GLRX3: variants seen among roughly 807,000 people sequenced by gnomAD.
The protein encoded by GLRX3 is glutaredoxin-3.
Under a neutral mutation model 49.5 loss-of-function variants are expected in GLRX3, and 22 were observed. The ratio of observed to expected loss-of-function variants is 0.44; its 90% CI spans 0.32 to 0.63. The LOEUF (loss-of-function observed/expected upper bound fraction) is 0.63. GLRX3 is among the 30% of genes least tolerant of loss of function. The pLI is 0.05. For synonymous variants in GLRX3, 133 were observed against 140.0 expected, an observed-to-expected ratio of 0.95 and a Z score of 0.35; for missense variants, 385 against 396.3, an observed-to-expected ratio of 0.97 and a Z score of 0.24.
intron 7 of GLRX3, among the ~76,000 whole-genome samples, chr10:130,169,879 T>A (rs1862771594): frequency 6.6e-6 from 1 of 152,260 alleles, no homozygotes; most frequent in Admixed American, 6.5e-5. Context: ...CACCCCTAGA[T>A]CGTCCTTTTG....
chr10:130,171,675 T>C (rs769688190), intron 8 of GLRX3, 39 bp downstream of exon 8: 23 of 1,092,354 alleles, frequency 2.1e-5, no homozygotes, highest in Admixed American at 6.8e-5. Context: ...ATTAAAAAAA[T>C]TCCAACCTGG....
At chr10:130,164,558 TG>T (rs1434053008) in intron 4 of GLRX3, among the ~76,000 whole-genome samples, 2 of 152,172 alleles carry the variant, frequency 1.3e-5, no homozygotes, top group Admixed American at 1.3e-4. Flanking sequence ...TAGAAATGAC[TG>T]GGGGTGGAAA....
rs140037352 is a variant in GLRX3, at chr10:130,174,901, G to A, written c.859G>A (p.Glu287Lys). The A allele has an allele frequency of 1.3e-6, 2 of 1,598,518 alleles. No individual in the cohort carries two copies. The highest frequency in any genetic ancestry group is 1.7e-6 in the Non-Finnish European group (2 of 1,165,876). ...EYETFDILED[E>K]EVRQGLKAYS... ...TGAAACATTCGATATATTGGAGGAT[G>A]AAGAAGTAAGTTCTGTGTTTGATGT... Residue 287 changes from glutamate to lysine, a missense_variant, in exon 9 of 11, where the codon GAA becomes AAA. Transcript: ENST00000331244.
chr10:130,137,105 G>A (rs1265289278), intron 1 of GLRX3, among the ~76,000 whole-genome samples: 1 of 152,000 alleles, frequency 6.6e-6, no homozygotes, highest in Non-Finnish European at 1.5e-5. Flanking sequence ...AGCCTTTAAA[G>A]TTTGTTGGAC....
At chr10:130,157,811 G>C (rs140892718) in intron 2 of GLRX3, among the ~76,000 whole-genome samples, 109 of 152,178 alleles carry the variant, frequency 7.2e-4, no homozygotes, top group African/African-American at 2.6e-3. Flanking sequence ...GGTCGCCCAT[G>C]AATGATAGCT....
intron 8 of GLRX3, among the ~76,000 whole-genome samples, chr10:130,172,831 A>G (rs1862838520): frequency 6.6e-6 from 1 of 152,100 alleles, no homozygotes; most frequent in Admixed American, 6.5e-5. Flanking sequence ...AATCCCAGCC[A>G]CTCAGGAGGC....
intron 2 of GLRX3, among the ~76,000 whole-genome samples, chr10:130,157,544 C>T (rs982421867): frequency 1.7e-5 from 2 of 114,968 alleles, no homozygotes; most frequent in African/African-American, 6.7e-5. Context: ...AATGGATCTT[C>T]CTTACTCAGT....
intron 2 of GLRX3, among the ~76,000 whole-genome samples, chr10:130,148,904 T>G (rs1322923806): frequency 6.6e-6 from 1 of 151,840 alleles, no homozygotes; most frequent in African/African-American, 2.4e-5. Flanking sequence ...CTCTACAGAA[T>G]AAAAATTTAA....
chr10:130,151,221 C>G (rs546678174), intron 2 of GLRX3, among the ~76,000 whole-genome samples: 1 of 151,910 alleles, frequency 6.6e-6, no homozygotes, highest in Non-Finnish European at 1.5e-5. Context: ...CCATCGTGCC[C>G]GGCTCTGGTA....
chr10:130,169,622 A>T (rs1268989203), intron 7 of GLRX3, 132 bp downstream of exon 7: 2 of 658,420 alleles, frequency 3.0e-6, no homozygotes, highest in Non-Finnish European at 2.8e-6. Context: ...TCCACGCCTT[A>T]ATTGGTGCTT....
At chr10:130,174,017 A>G (rs557335982) in intron 8 of GLRX3, among the ~76,000 whole-genome samples, 1 of 152,226 alleles carries the variant, frequency 6.6e-6, no homozygotes, top group Non-Finnish European at 1.5e-5. Flanking sequence ...GGATTTAGGC[A>G]TACATGCTTG....
At chr10:130,164,066 G>C (rs1862634125) in intron 4 of GLRX3, among the ~76,000 whole-genome samples, 1 of 152,008 alleles carries the variant, frequency 6.6e-6, no homozygotes, top group South Asian at 2.1e-4. Flanking sequence ...CCATTTTTAG[G>C]GTCTCTCCTG....
intron 10 of GLRX3, among the ~76,000 whole-genome samples, chr10:130,176,112 GTT>G (rs553426083): frequency 3.6e-5 from 5 of 139,078 alleles, no homozygotes; most frequent in Non-Finnish European, 3.2e-5. Context: ...TAAAATAAAA[GTT>G]TTTTTTTTTT....
At chr10:130,160,094 A>C (rs779764398) in intron 3 of GLRX3, 25 bp downstream of exon 3, 1 of 1,429,506 alleles carries the variant, frequency 7.0e-7, no homozygotes, top group East Asian at 2.3e-5. Flanking sequence ...GGTACAAGAG[A>C]TTATCCATTT....
At chr10:130,164,332 A>C (rs1167300422) in intron 4 of GLRX3, among the ~76,000 whole-genome samples, 1 of 152,236 alleles carries the variant, frequency 6.6e-6, no homozygotes, top group Non-Finnish European at 1.5e-5. Flanking sequence ...GAGCAGGTTA[A>C]TTATTTGGGA....
At chr10:130,156,592 G>A (rs1590064608) in intron 2 of GLRX3, among the ~76,000 whole-genome samples, 1 of 147,224 alleles carries the variant, frequency 6.8e-6, no homozygotes, top group East Asian at 2.1e-4. Context: ...AGGATTAAGT[G>A]AGTCTATACG....
At chr10:130,149,954 T>C (rs987966002) in intron 2 of GLRX3, among the ~76,000 whole-genome samples, 1 of 124,092 alleles carries the variant, frequency 8.1e-6, no homozygotes, top group South Asian at 2.5e-4. Context: ...AAAAAAAAAA[T>C]AGGGCCGGGC....
intron 1 of GLRX3, among the ~76,000 whole-genome samples, chr10:130,137,322 G>A (rs1862078138): frequency 6.6e-6 from 1 of 152,208 alleles, no homozygotes; most frequent in African/African-American, 2.4e-5. Flanking sequence ...GCATGCTTAC[G>A]AGTAAATGCT....
At chr10:130,166,412 C>CT in intron 4 of GLRX3, 95 bp from the exon 5 acceptor site, 1 of 826,938 alleles carries the variant, frequency 1.2e-6, no homozygotes, top group South Asian at 1.7e-5. Flanking sequence ...GCGTCTATGT[C>CT]TTTTAGATGA....
Sources: allele counts gnomAD v4.1 joint callset (sites outside exome capture counted in the v4.1 genomes callset), GRCh38; gene constraint gnomAD v4.1.1; transcripts MANE v1.5; gene names NCBI Gene and HGNC (gene_info 2026-07-23, HGNC 2026-07-21).